CCDC91: variants seen among roughly 807,000 people sequenced by gnomAD.
CCDC91 encodes coiled-coil domain containing 91.
CCDC91 carries 48 observed loss-of-function variants against 63.2 expected under a neutral mutation model. That is an observed-to-expected ratio of 0.76 (90% CI 0.60 to 0.97). CCDC91 has a LOEUF of 0.97. CCDC91 is among the 50% of genes least tolerant of loss of function. The probability of loss-of-function intolerance (pLI) is 0.00; values close to 1 mark genes in which losing one functional copy is unlikely to be tolerated. For synonymous variants in CCDC91, 167 were observed against 165.8 expected, an observed-to-expected ratio of 1.01 and a Z score of -0.06; for missense variants, 500 against 494.6, an observed-to-expected ratio of 1.01 and a Z score of -0.10.
At position 28,294,586 on chromosome 12, in the gene CCDC91, T is replaced by C. The variant is rs191580347; in HGVS notation, c.110-11063T>C. Among the ~76,000 whole-genome samples, 120 of 151,828 alleles carry C rather than the reference T, an allele frequency of 7.9e-4. 1 individual carries two copies. Among genetic ancestry groups the C allele is most frequent in the African/African-American group, 2.8e-3 (114 of 41,434 alleles). On this transcript the variant is annotated intron_variant, in intron 3 of 12. Coordinates refer to ENST00000536442, the MANE Select transcript of CCDC91 (RefSeq NM_018318.5). ...GAACAGTGAGTCAGTTAAACCTGCT[T>C]CCTCTTTTTTTTTTTGAGATGGGAT...
At chr12:28,340,704 C>G (rs1942351893) in intron 6 of CCDC91, among the ~76,000 whole-genome samples, 1 of 152,154 alleles carries the variant, frequency 6.6e-6, no homozygotes, top group Admixed American at 6.5e-5. Context: ...TTGTGGGGCT[C>G]CAACCCCATG....
intron 7 of CCDC91, among the ~76,000 whole-genome samples, chr12:28,382,879 T>C (rs1218301169): frequency 2.6e-5 from 4 of 152,064 alleles, no homozygotes; most frequent in Non-Finnish European, 5.9e-5. Context: ...TTCCCTTTCC[T>C]TTTTTTAAAC....
chr12:28,510,942 T>C (rs1939307783), intron 12 of CCDC91, among the ~76,000 whole-genome samples: 1 of 151,906 alleles, frequency 6.6e-6, no homozygotes, highest in African/African-American at 2.4e-5. Context: ...CACAAGACTT[T>C]CTTTTCTCAA....
chr12:28,418,401 A>G (rs1592615623), intron 8 of CCDC91, among the ~76,000 whole-genome samples: 1 of 152,142 alleles, frequency 6.6e-6, no homozygotes, highest in Admixed American at 6.6e-5. Flanking sequence ...TCTAAGATGG[A>G]AGGTAGTATT....
At chr12:28,396,080 A>C (rs1169355269) in intron 8 of CCDC91, among the ~76,000 whole-genome samples, 1 of 152,202 alleles carries the variant, frequency 6.6e-6, no homozygotes, top group African/African-American at 2.4e-5. Flanking sequence ...TAGTAATACA[A>C]AACTACATTC....
intron 12 of CCDC91, among the ~76,000 whole-genome samples, chr12:28,515,066 A>T (rs777352211): frequency 6.6e-6 from 1 of 151,816 alleles, no homozygotes; most frequent in African/African-American, 2.4e-5. Context: ...CAGTCTGTAG[A>T]TAGGTCAAAT....
chr12:28,499,890 T>G (rs1419909032), intron 12 of CCDC91, among the ~76,000 whole-genome samples: 1 of 152,200 alleles, frequency 6.6e-6, no homozygotes, highest in Non-Finnish European at 1.5e-5. Flanking sequence ...AAATGCTATC[T>G]TTAGTTCTAG....
At chr12:28,511,194 G>C (rs1319176244) in intron 12 of CCDC91, among the ~76,000 whole-genome samples, 2 of 151,718 alleles carry the variant, frequency 1.3e-5, no homozygotes, top group Non-Finnish European at 2.9e-5. Flanking sequence ...TGTGTCACAA[G>C]ACCAAGCTAC....
At chr12:28,411,669 G>C (rs1266325347) in intron 8 of CCDC91, among the ~76,000 whole-genome samples, 2 of 152,074 alleles carry the variant, frequency 1.3e-5, no homozygotes, top group African/African-American at 4.8e-5. Flanking sequence ...GTGAACGATG[G>C]ACTGTATATA....
intron 8 of CCDC91, among the ~76,000 whole-genome samples, chr12:28,435,545 G>C (rs1056897534): frequency 2.0e-5 from 3 of 151,802 alleles, no homozygotes; most frequent in African/African-American, 7.2e-5. Context: ...GTCTATGCTA[G>C]TGAATGTTCC....
At chr12:28,447,713 AAGGGCAGGGCAGGGC>A (rs758786357) in intron 8 of CCDC91, among the ~76,000 whole-genome samples, 2 of 58,970 alleles carry the variant, frequency 3.4e-5, no homozygotes, top group Non-Finnish European at 6.7e-5. Context: ...GAAGAATGGG[AAGGGCAGGGCAGGGC>A]AGGGCAGGGC....
intron 12 of CCDC91, among the ~76,000 whole-genome samples, chr12:28,521,984 C>A (rs1398665938): frequency 4.6e-5 from 7 of 152,008 alleles, no homozygotes; most frequent in South Asian, 2.1e-4. Context: ...CCAGTATTTT[C>A]TTGAGGATTT....
chr12:28,336,479 A>AAAATTTCTTTAAG (rs1214853470), intron 6 of CCDC91, among the ~76,000 whole-genome samples: 13 of 152,180 alleles, frequency 8.5e-5, no homozygotes, highest in African/African-American at 2.9e-4. Context: ...TTATGGTTAC[A>AAAATTTCTTTAAG]TTATCTCTTA....
chr12:28,435,812 T>C (rs1948873842), intron 8 of CCDC91, among the ~76,000 whole-genome samples: 2 of 151,824 alleles, frequency 1.3e-5, no homozygotes, highest in African/African-American at 4.8e-5. Context: ...GCATCCAAAT[T>C]GTTATGTCTT....
At chr12:28,307,623 T>G in intron 5 of CCDC91, 22 bp from the exon 6 acceptor site, 3 of 1,204,624 alleles carry the variant, frequency 2.5e-6, no homozygotes, top group Non-Finnish European at 3.6e-6. Flanking sequence ...TTACAAAGCT[T>G]GTATTTGTAT....
chr12:28,267,754 TATAATTATATATAATTATATTATTA>T (rs1947321090), intron 3 of CCDC91, among the ~76,000 whole-genome samples: 1 of 36,674 alleles, frequency 2.7e-5, no homozygotes, highest in Admixed American at 4.8e-4. Context: ...TATATTACTA[TATAATTATATATAATTATATTATTA>T]ATATATAATT....
chr12:28,308,504 C>T (rs1938982540), intron 6 of CCDC91, among the ~76,000 whole-genome samples: 1 of 151,994 alleles, frequency 6.6e-6, no homozygotes, highest in Non-Finnish European at 1.5e-5. Flanking sequence ...TCTTATCTTT[C>T]CCACACTAAA....
chr12:28,493,868 T>TC (rs544371681), intron 12 of CCDC91, among the ~76,000 whole-genome samples: 76 of 151,816 alleles, frequency 5.0e-4, no homozygotes, highest in African/African-American at 1.8e-3. Flanking sequence ...GTCTGATCAT[T>TC]CAACTTCTGC....
intron 8 of CCDC91, among the ~76,000 whole-genome samples, chr12:28,426,894 GT>G (rs1948348627): frequency 3.3e-5 from 5 of 152,300 alleles, no homozygotes; most frequent in Middle Eastern, 6.8e-3. Context: ...TAGCAACTGA[GT>G]TTAACAGAAT....
Sources: gnomAD v4.1 joint callset for allele counts (sites outside exome capture counted in the v4.1 genomes callset) on GRCh38, gnomAD v4.1.1 for gene constraint, MANE v1.5 for transcripts, NCBI Gene and HGNC (gene_info 2026-07-23, HGNC 2026-07-21) for gene names.